RALYL: variants seen among roughly 807,000 people sequenced by gnomAD.
The protein encoded by RALYL is RALY RNA binding protein like.
A neutral mutation model predicts 35.1 loss-of-function variants in RALYL; 29 were observed. The observed-to-expected ratio is 0.83, with a 90% CI of 0.61 to 1.13. The LOEUF (loss-of-function observed/expected upper bound fraction) is 1.13. Ranked by LOEUF, RALYL falls within the 50% of genes most tolerant of loss-of-function variation. RALYL has a pLI of 0.00. For synonymous variants in RALYL, 120 were observed against 127.6 expected (o/e 0.94, Z 0.40); for missense variants, 359 against 360.4 (o/e 1.00, Z 0.03).
At chr8:84,807,145 T>G (rs1824838178) in intron 4 of RALYL, among the ~76,000 whole-genome samples, 1 of 152,162 alleles carries the variant, frequency 6.6e-6, no homozygotes, top group Non-Finnish European at 1.5e-5. Context: ...TTGTGGTCTT[T>G]TAGCCCTCAC....
At chr8:84,368,699 C>T (rs1261654602) in intron 1 of RALYL, among the ~76,000 whole-genome samples, 2 of 152,160 alleles carry the variant, frequency 1.3e-5, no homozygotes, top group African/African-American at 4.8e-5. Flanking sequence ...TATTCATTAT[C>T]ATGAGAATAG....
At position 84,434,553 on chromosome 8, in the gene RALYL, G is replaced by A. The variant is rs115330806; in HGVS notation, c.-23-94746G>A. Among the ~76,000 whole-genome samples the A allele has an allele frequency of 1.1e-3, 172 of 152,158 alleles. 2 individuals are homozygous for A. Among genetic ancestry groups the A allele is most frequent in the South Asian group, 3.3e-3 (16 of 4,824 alleles). On this transcript the variant is annotated intron_variant, in intron 1 of 8. Transcript: ENST00000521268. ...CACTGAGAATATATTTCATTTGTAC[G>A]TGCCAGTTATACCTTAGCCATAAAT...
At chr8:84,565,861 T>C (rs2061747632) in intron 2 of RALYL, among the ~76,000 whole-genome samples, 1 of 151,638 alleles carries the variant, frequency 6.6e-6, no homozygotes, top group Admixed American at 6.6e-5. Flanking sequence ...TAATACCACC[T>C]ACCTTGGGGG....
chr8:84,669,498 C>A (rs1832802254), intron 2 of RALYL, among the ~76,000 whole-genome samples: 1 of 102,350 alleles, frequency 9.8e-6, no homozygotes, highest in African/African-American at 3.6e-5. Context: ...CCCCCCCCCC[C>A]CACTCTATTA....
At chr8:84,373,306 A>G (rs1232471623) in intron 1 of RALYL, among the ~76,000 whole-genome samples, 1 of 151,888 alleles carries the variant, frequency 6.6e-6, no homozygotes, top group Non-Finnish European at 1.5e-5. Context: ...TCCTATGTCC[A>G]GAATGGTGTT....
At chr8:84,887,805 C>T in intron 8 of RALYL, 29 bp downstream of exon 8, 1 of 1,587,096 alleles carries the variant, frequency 6.3e-7, no homozygotes, top group Non-Finnish European at 8.6e-7. Flanking sequence ...GTATTCACAC[C>T]CTTTGGGTAA....
At chr8:84,262,964 T>C (rs1832595179) in intron 1 of RALYL, among the ~76,000 whole-genome samples, 1 of 152,178 alleles carries the variant, frequency 6.6e-6, no homozygotes. Flanking sequence ...TCTAGTTTTT[T>C]AATAACAAGA....
At position 84,434,600 on chromosome 8, in the gene RALYL, T is replaced by C. The variant is rs193095501; in HGVS notation, c.-23-94699T>C. ...AAATTCATGTGGATAGATAACGTTT[T>C]TCTTTAAAAGCAAACTTAAAGAATA... On this transcript the variant is annotated intron_variant, in intron 1 of 8. Coordinates refer to ENST00000521268, the MANE Select transcript of RALYL (RefSeq NM_173848.7). Among the ~76,000 whole-genome samples, 148 of 152,316 alleles carry C rather than the reference T, an allele frequency of 9.7e-4. 2 individuals carry two copies. The highest frequency in any genetic ancestry group is 3.3e-3 in the South Asian group (16 of 4,824).
intron 2 of RALYL, among the ~76,000 whole-genome samples, chr8:84,578,640 A>T (rs999097743): frequency 6.6e-6 from 1 of 151,918 alleles, no homozygotes; most frequent in Non-Finnish European, 1.5e-5. Context: ...CAGAAAGGAG[A>T]CCCAAAGTGG....
chr8:84,771,984 T>G (rs889852729), intron 2 of RALYL, among the ~76,000 whole-genome samples: 4 of 152,112 alleles, frequency 2.6e-5, no homozygotes, highest in Admixed American at 6.5e-5. Context: ...ACATTTTATA[T>G]TTTTTCCTTT....
intron 2 of RALYL, among the ~76,000 whole-genome samples, chr8:84,536,491 A>G (rs181581499): frequency 5.9e-5 from 9 of 152,324 alleles, no homozygotes; most frequent in East Asian, 1.9e-4. Context: ...TAGATGGAGT[A>G]TCTGAGCATC....
chr8:84,675,624 C>T (rs1834043022), intron 2 of RALYL, among the ~76,000 whole-genome samples: 1 of 152,006 alleles, frequency 6.6e-6, no homozygotes, highest in South Asian at 2.1e-4. Context: ...TGAAACATCT[C>T]TTTTTCTCTG....
intron 1 of RALYL, among the ~76,000 whole-genome samples, chr8:84,418,821 A>G (rs180771333): frequency 6.6e-6 from 1 of 152,230 alleles, no homozygotes; most frequent in Admixed American, 6.5e-5. Context: ...CCACAAACCA[A>G]CCTCTTGCAT....
rs73298121 is a variant in RALYL at position 84,707,507 on chromosome 8, C to G, written c.257-67072C>G. 4.4e-3 allele frequency among the ~76,000 whole-genome samples: 668 copies of G among 152,058 alleles called. 4 individuals are homozygous for G. Among genetic ancestry groups the G allele is most frequent in the African/African-American group, 0.015 (636 of 41,496 alleles). On this transcript the variant is annotated intron_variant, in intron 2 of 8. Coordinates refer to ENST00000521268, the MANE Select transcript of RALYL (RefSeq NM_173848.7). The stretch of plus-strand genomic sequence containing the variant: ...CAGAAAAATTATACTGAGTGTCTCC[C>G]CTTAAAATGTGCTCACTGAAGTCTG...
At chr8:84,377,198 T>A (rs1857069107) in intron 1 of RALYL, among the ~76,000 whole-genome samples, 1 of 151,796 alleles carries the variant, frequency 6.6e-6, no homozygotes, top group Admixed American at 6.6e-5. Context: ...AAAGTATAGT[T>A]TATTGAAGGT....
chr8:84,223,662 C>A (rs773402270), intron 1 of RALYL, among the ~76,000 whole-genome samples: 12 of 152,070 alleles, frequency 7.9e-5, no homozygotes, highest in Non-Finnish European at 1.8e-4. Context: ...GTTTGAGATT[C>A]CAGGTTGTAA....
chr8:84,401,316 G>A (rs948626233), intron 1 of RALYL, among the ~76,000 whole-genome samples: 4 of 151,828 alleles, frequency 2.6e-5, no homozygotes, highest in African/African-American at 9.7e-5. Context: ...GTGTGGGGAA[G>A]GTTTACTCAC....
At chr8:84,908,625 T>C (rs1397000901) in intron 8 of RALYL, among the ~76,000 whole-genome samples, 1 of 152,168 alleles carries the variant, frequency 6.6e-6, no homozygotes, top group Non-Finnish European at 1.5e-5. Flanking sequence ...AGGTAGATGC[T>C]ACAGCTTGAC....
intron 2 of RALYL, among the ~76,000 whole-genome samples, chr8:84,589,912 G>A (rs1289712184): frequency 6.6e-6 from 1 of 152,146 alleles, no homozygotes; most frequent in Non-Finnish European, 1.5e-5. Flanking sequence ...TCTGTACATT[G>A]AACATGATAA....
Sources: gnomAD v4.1 joint callset for allele counts (sites outside exome capture counted in the v4.1 genomes callset) on GRCh38, gnomAD v4.1.1 for gene constraint, MANE v1.5 for transcripts, NCBI Gene and HGNC (gene_info 2026-07-23, HGNC 2026-07-21) for gene names.